The following MRTFA variants were observed in gnomAD, a reference collection of about 807,000 sequenced individuals.
The protein encoded by MRTFA is myocardin related transcription factor A, also known as myocardin-related transcription factor A.
MRTFA carries 20 observed loss-of-function variants against 83.5 expected under a neutral mutation model. The ratio of observed to expected loss-of-function variants is 0.24; its 90% CI spans 0.17 to 0.35. The LOEUF is 0.35. MRTFA is among the 10% of genes least tolerant of loss of function. MRTFA has a pLI of 1.00. For missense variants in MRTFA, 1,200 were observed against 1,224.7 expected, an observed-to-expected ratio of 0.98 and a Z score of 0.30; for synonymous variants, 659 against 541.2, an observed-to-expected ratio of 1.22 and a Z score of -3.02.
At chr22:40,535,401 T>C (rs1303137172) in intron 3 of MRTFA, among the ~76,000 whole-genome samples, 2 of 130,744 alleles carry the variant, frequency 1.5e-5, no homozygotes, top group East Asian at 5.1e-4. Flanking sequence ...TCCCCCAGAC[T>C]GAGTACAATG....
At chr22:40,571,256 T>C (rs2055788941) in intron 2 of MRTFA, among the ~76,000 whole-genome samples, 1 of 151,934 alleles carries the variant, frequency 6.6e-6, no homozygotes, top group Non-Finnish European at 1.5e-5. Flanking sequence ...CCTCACACCA[T>C]ACACAAACAT....
At chr22:40,470,229 TTTTA>T (rs1268608305) in intron 3 of MRTFA, among the ~76,000 whole-genome samples, 31 of 58,762 alleles carry the variant, frequency 5.3e-4, no homozygotes, top group African/African-American at 2.2e-3. Flanking sequence ...ATCTCCAAAA[TTTTA>T]TATATATATA....
chr22:40,462,545 G>A (rs369523742), intron 4 of MRTFA, among the ~76,000 whole-genome samples: 89 of 152,296 alleles, frequency 5.8e-4, no homozygotes, highest in African/African-American at 2.0e-3. Context: ...AGAAAGGTCC[G>A]AAAGATCAAA....
intron 1 of MRTFA, among the ~76,000 whole-genome samples, chr22:40,609,245 C>G (rs1440907383): frequency 6.7e-6 from 1 of 148,494 alleles, no homozygotes; most frequent in Admixed American, 6.8e-5. Context: ...GTGCTGAGAT[C>G]ACACCACTGC....
chr22:40,554,959 C>T (rs1359845590), intron 2 of MRTFA, among the ~76,000 whole-genome samples: 1 of 152,238 alleles, frequency 6.6e-6, no homozygotes, highest in Non-Finnish European at 1.5e-5. Context: ...GATTTAATGA[C>T]TGCCCTGCTG....
rs1296439876 is a variant in MRTFA, at chr22:40,506,307, T to C, written c.242-43021A>G. ...TTGATAAAATATAGTATATAAAATA[T>C]AATCCCTTCTTGAATGTGATCTGCT... On this transcript the variant is annotated intron_variant, in intron 3 of 14. Coordinates refer to ENST00000355630, the MANE Select transcript of MRTFA (RefSeq NM_020831.6). Among the ~76,000 whole-genome samples, 4 of 152,280 alleles carry C rather than the reference T, an allele frequency of 2.6e-5. No homozygotes were observed. The East Asian group carries it at 7.7e-4, about 29-fold the overall frequency.
chr22:40,418,325 C>A (rs755430284), intron 12 of MRTFA, 49 bp downstream of exon 12: 1 of 1,590,028 alleles, frequency 6.3e-7, no homozygotes, highest in Non-Finnish European at 8.5e-7. Context: ...GCGAGACGCT[C>A]TTCCCACCCT....
chr22:40,480,092 G>A (rs967756589), intron 3 of MRTFA, among the ~76,000 whole-genome samples: 3 of 152,110 alleles, frequency 2.0e-5, no homozygotes, highest in African/African-American at 4.8e-5. Flanking sequence ...CTATGCAGAC[G>A]ATACAACTGT....
chr22:40,535,510 A>G (rs1231822258), intron 3 of MRTFA, among the ~76,000 whole-genome samples: 1 of 150,746 alleles, frequency 6.6e-6, no homozygotes, highest in Non-Finnish European at 1.5e-5. Context: ...ATGCCACCAC[A>G]CCCAGCTAAC....
intron 4 of MRTFA, among the ~76,000 whole-genome samples, chr22:40,438,454 C>T (rs552499392): frequency 6.6e-6 from 1 of 152,192 alleles, no homozygotes; most frequent in Non-Finnish European, 1.5e-5. Flanking sequence ...GGCACAAACC[C>T]AAAGGCACAA....
chr22:40,568,092 A>G (rs1315991852), intron 2 of MRTFA, among the ~76,000 whole-genome samples: 2 of 152,210 alleles, frequency 1.3e-5, no homozygotes, highest in African/African-American at 2.4e-5. Context: ...AAATGTGTCT[A>G]TGGGTCAAGA....
intron 3 of MRTFA, among the ~76,000 whole-genome samples, chr22:40,495,722 G>A (rs1448721174): frequency 3.5e-5 from 5 of 143,760 alleles, no homozygotes; most frequent in Non-Finnish European, 6.0e-5. Flanking sequence ...TCAAGCCACT[G>A]CACTCCAGCC....
At chr22:40,413,245 C>G (rs1041385929) in intron 14 of MRTFA, among the ~76,000 whole-genome samples, 2 of 151,502 alleles carry the variant, frequency 1.3e-5, no homozygotes, top group Non-Finnish European at 2.9e-5. Context: ...TGGCTTCAAG[C>G]CAGGAGTTTG....
At chr22:40,452,972 A>G (rs923928336) in intron 4 of MRTFA, among the ~76,000 whole-genome samples, 11 of 152,164 alleles carry the variant, frequency 7.2e-5, no homozygotes, top group Non-Finnish European at 1.5e-4. Context: ...GCCAAGAAGG[A>G]GGTTCTATGC....
chr22:40,558,526 T>C (rs1361146666), intron 2 of MRTFA, among the ~76,000 whole-genome samples: 1 of 152,086 alleles, frequency 6.6e-6, no homozygotes, highest in Non-Finnish European at 1.5e-5. Context: ...ATTTAGCATT[T>C]ACATGTGTTA....
chr22:40,450,487 A>T (rs1446327535), intron 4 of MRTFA, among the ~76,000 whole-genome samples: 1 of 151,752 alleles, frequency 6.6e-6, no homozygotes, highest in East Asian at 1.9e-4. Context: ...ATGGAGTCTA[A>T]CTCTGTCGCC....
At chr22:40,513,246 T>G (rs2054697309) in intron 3 of MRTFA, among the ~76,000 whole-genome samples, 2 of 152,184 alleles carry the variant, frequency 1.3e-5, no homozygotes. Context: ...GAGGTAAGAA[T>G]TAACGGACAA....
At chr22:40,544,267 C>A (rs1453479095) in intron 3 of MRTFA, among the ~76,000 whole-genome samples, 1 of 152,142 alleles carries the variant, frequency 6.6e-6, no homozygotes, top group African/African-American at 2.4e-5. Flanking sequence ...TGGGGTCTTG[C>A]TCTGTCACCC....
At chr22:40,457,958 C>T (rs540504279) in intron 4 of MRTFA, among the ~76,000 whole-genome samples, 2 of 152,296 alleles carry the variant, frequency 1.3e-5, no homozygotes, top group Admixed American at 6.5e-5. Context: ...CATGCCAGAA[C>T]GTTTTTCTTA....
Sources: allele counts gnomAD v4.1 joint callset (sites outside exome capture counted in the v4.1 genomes callset), GRCh38; gene constraint gnomAD v4.1.1; transcripts MANE v1.5; gene names NCBI Gene and HGNC (gene_info 2026-07-23, HGNC 2026-07-21).